Variants in CPA6 observed in about 807,000 individuals in gnomAD.
CPA6 encodes carboxypeptidase B.
A neutral mutation model predicts 63.3 loss-of-function variants in CPA6; 58 were observed. The observed-to-expected ratio is 0.92, with a 90% CI of 0.74 to 1.14. The LOEUF (loss-of-function observed/expected upper bound fraction) is 1.14, where lower values mean the gene tolerates loss of function less well. Among genes scored for constraint, CPA6 ranks in the 50% most tolerant of loss-of-function variants. The pLI is 0.00. For synonymous variants in CPA6, 185 were observed against 179.0 expected (o/e 1.03, Z -0.27); for missense variants, 565 against 526.6 (o/e 1.07, Z -0.71).
At chr8:67,428,492 CT>C (rs374227183) in intron 9 of CPA6, among the ~76,000 whole-genome samples, 17 of 148,954 alleles carry the variant, frequency 1.1e-4, no homozygotes, top group South Asian at 8.5e-4. Flanking sequence ...CAATTTCTTT[CT>C]TTTTTTTTTG....
At chr8:67,467,886 T>TAAAA (rs539603315) in intron 8 of CPA6, among the ~76,000 whole-genome samples, 14 of 109,748 alleles carry the variant, frequency 1.3e-4, no homozygotes, top group African/African-American at 4.8e-4. Context: ...AAACCCCGTC[T>TAAAA]AAAAAAAAAA....
chr8:67,733,039 AC>A (rs1256213477), intron 1 of CPA6, among the ~76,000 whole-genome samples: 8 of 151,792 alleles, frequency 5.3e-5, no homozygotes, highest in African/African-American at 1.7e-4. Context: ...TACTAAAAAT[AC>A]AAAAAATTAG....
intron 8 of CPA6, among the ~76,000 whole-genome samples, chr8:67,435,922 C>T (rs895551649): frequency 1.3e-5 from 2 of 151,592 alleles, no homozygotes; most frequent in African/African-American, 4.9e-5. Context: ...GGTCTCAGGG[C>T]CCCCTTAGGG....
chr8:67,682,403 G>A (rs1816617708), intron 1 of CPA6, among the ~76,000 whole-genome samples: 1 of 151,946 alleles, frequency 6.6e-6, no homozygotes, highest in Admixed American at 6.6e-5. Context: ...TATTTTCTGT[G>A]TCTCTACTTA....
At chr8:67,710,068 G>A (rs900043712) in intron 1 of CPA6, among the ~76,000 whole-genome samples, 8 of 151,874 alleles carry the variant, frequency 5.3e-5, no homozygotes, top group Middle Eastern at 3.4e-3. Context: ...AGCTGAGATC[G>A]CGCCACTGCA....
intron 2 of CPA6, among the ~76,000 whole-genome samples, chr8:67,600,925 G>C (rs1814478918): frequency 6.6e-6 from 1 of 152,108 alleles, no homozygotes; most frequent in Non-Finnish European, 1.5e-5. Flanking sequence ...ACTGAATAAG[G>C]TCTAATACTT....
At chr8:67,453,255 G>A (rs1261147105) in intron 8 of CPA6, among the ~76,000 whole-genome samples, 1 of 152,082 alleles carries the variant, frequency 6.6e-6, no homozygotes, top group African/African-American at 2.4e-5. Context: ...AATCTGGAGC[G>A]ATTCTTAAGG....
At chr8:67,546,415 T>C (rs559460351) in intron 2 of CPA6, among the ~76,000 whole-genome samples, 3 of 152,340 alleles carry the variant, frequency 2.0e-5, no homozygotes, top group African/African-American at 7.2e-5. Context: ...TCCCTCAAGG[T>C]TGGTTCAAAT....
At chr8:67,698,126 TTATATTA>T (rs1816945490) in intron 1 of CPA6, among the ~76,000 whole-genome samples, 2 of 152,234 alleles carry the variant, frequency 1.3e-5, no homozygotes, top group South Asian at 2.1e-4. Flanking sequence ...GCCCAAAGCA[TTATATTA>T]TATAATTATT....
At chr8:67,586,981 G>A (rs1813955541) in intron 2 of CPA6, among the ~76,000 whole-genome samples, 1 of 152,224 alleles carries the variant, frequency 6.6e-6, no homozygotes, top group Admixed American at 6.5e-5. Flanking sequence ...TAGATTTTGT[G>A]TGTAATCTAG....
chr8:67,449,694 G>T (rs978383879), intron 8 of CPA6, among the ~76,000 whole-genome samples: 1 of 151,976 alleles, frequency 6.6e-6, no homozygotes, highest in Non-Finnish European at 1.5e-5. Context: ...TTCTCAGAAC[G>T]GTGAGGTAGA....
At chr8:67,506,724 G>A in intron 6 of CPA6, 63 bp downstream of exon 6, 5 of 1,059,562 alleles carry the variant, frequency 4.7e-6, no homozygotes, top group Non-Finnish European at 7.4e-6. Context: ...TTGTTAAGCA[G>A]AATAAAAACA....
At chr8:67,697,147 T>C (rs1195219631) in intron 1 of CPA6, among the ~76,000 whole-genome samples, 2 of 152,206 alleles carry the variant, frequency 1.3e-5, no homozygotes, top group Non-Finnish European at 2.9e-5. Context: ...TGGTAATCAC[T>C]GCTCTGTTGT....
intron 1 of CPA6, among the ~76,000 whole-genome samples, chr8:67,713,415 T>C (rs1384356300): frequency 1.3e-5 from 2 of 151,986 alleles, no homozygotes; most frequent in Admixed American, 6.5e-5. Context: ...GATTAAGTAG[T>C]GTGTCTGCAT....
At chr8:67,683,185 C>T (rs956632956) in intron 1 of CPA6, among the ~76,000 whole-genome samples, 4 of 152,174 alleles carry the variant, frequency 2.6e-5, no homozygotes, top group Admixed American at 6.5e-5. Context: ...CCTGATGTTC[C>T]ATATTTGAAA....
chr8:67,541,871 T>C (rs1269517226), intron 2 of CPA6, among the ~76,000 whole-genome samples: 2 of 152,166 alleles, frequency 1.3e-5, no homozygotes, highest in African/African-American at 4.8e-5. Flanking sequence ...GGTACCTCAG[T>C]TGGAAATGCA....
At chr8:67,637,981 T>G (rs74705291) in intron 1 of CPA6, among the ~76,000 whole-genome samples, 12 of 146,572 alleles carry the variant, frequency 8.2e-5, no homozygotes, top group East Asian at 4.0e-4. Flanking sequence ...GCTAGAAATT[T>G]TGTGTGTGTG....
chr8:67,428,135 T>G lies in CPA6; in HGVS notation c.1042-4A>C, dbSNP rs367820074. On this transcript the variant is annotated splice_region_variant and splice_polypyrimidine_tract_variant and intron_variant, in intron 9 of 10. Transcript: ENST00000297770. ...CAGCTTTATAAGCTGCAGATTCCTA[T>G]GAGGGAAAATGGGGAAATTTTATAT... 8.8e-6 allele frequency: 14 copies of G among 1,593,584 alleles called. No individual in the cohort carries two copies. The highest frequency in any genetic ancestry group is 2.2e-5 in the East Asian group (1 of 44,752).
chr8:67,512,300 T>C (rs930006811), intron 3 of CPA6, among the ~76,000 whole-genome samples: 1 of 152,052 alleles, frequency 6.6e-6, no homozygotes, highest in Non-Finnish European at 1.5e-5. Context: ...CAAGAGACTA[T>C]GCTCATGTCA....
Sources: allele counts gnomAD v4.1 joint callset (sites outside exome capture counted in the v4.1 genomes callset), GRCh38; gene constraint gnomAD v4.1.1; transcripts MANE v1.5; gene names NCBI Gene and HGNC (gene_info 2026-07-23, HGNC 2026-07-21).